Variants in HIPK3 observed in about 807,000 individuals in gnomAD.
HIPK3 encodes the protein homeodomain interacting protein kinase 3.
HIPK3 carries 47 observed loss-of-function variants against 124.2 expected under a neutral mutation model. That is an observed-to-expected ratio of 0.38 (90% CI 0.30 to 0.48). The LOEUF is 0.48. Among genes scored for constraint, HIPK3 ranks in the 20% least tolerant of loss-of-function variants. The pLI is 0.98. For synonymous variants in HIPK3, 482 were observed against 515.2 expected, an observed-to-expected ratio of 0.94 and a Z score of 0.87; for missense variants, 1,286 against 1,454.3, an observed-to-expected ratio of 0.88 and a Z score of 1.88.
chr11:33,350,130 G>A (rs903753774), intron 14 of HIPK3, among the ~76,000 whole-genome samples: 3 of 152,104 alleles, frequency 2.0e-5, no homozygotes, highest in African/African-American at 7.2e-5. Flanking sequence ...GACTACTATT[G>A]TAACTTAAAT....
chr11:33,280,479 T>C (rs962977241), intron 1 of HIPK3, among the ~76,000 whole-genome samples: 11 of 152,166 alleles, frequency 7.2e-5, no homozygotes, highest in African/African-American at 2.7e-4. Flanking sequence ...TTTATAGGTC[T>C]TTTCTTATGG....
intron 3 of HIPK3, among the ~76,000 whole-genome samples, chr11:33,330,515 G>A (rs1190072534): frequency 6.6e-6 from 1 of 152,208 alleles, no homozygotes; most frequent in Non-Finnish European, 1.5e-5. Flanking sequence ...TTTTAGTAGA[G>A]ATGGGGTTTC....
chr11:33,271,077 A>T (rs1373834329), intron 1 of HIPK3, among the ~76,000 whole-genome samples: 1 of 152,224 alleles, frequency 6.6e-6, no homozygotes, highest in African/African-American at 2.4e-5. Context: ...AATTCCTAGC[A>T]GTATGATTCC....
At chr11:33,258,673 G>A (rs1001420733) in intron 1 of HIPK3, 4 of 985,266 alleles carry the variant, frequency 4.1e-6, no homozygotes, top group African/African-American at 3.5e-5. Context: ...TCGGGAGGGA[G>A]ACGGCTGTTG....
chr11:33,341,247 T>C (rs1038654007), intron 7 of HIPK3, 120 bp downstream of exon 7: 2 of 654,630 alleles, frequency 3.1e-6, no homozygotes, highest in Non-Finnish European at 5.0e-6. Flanking sequence ...GAGGTCTTAC[T>C]ATACCTGTTT....
chr11:33,305,669 A>AT (rs745851903), intron 2 of HIPK3, among the ~76,000 whole-genome samples: 3 of 152,058 alleles, frequency 2.0e-5, no homozygotes, highest in Non-Finnish European at 4.4e-5. Context: ...TTCTCCAAGG[A>AT]TTTTCTCTCA....
chr11:33,295,944 TTCTTA>T (rs1251894117), intron 2 of HIPK3, among the ~76,000 whole-genome samples: 1 of 152,244 alleles, frequency 6.6e-6, no homozygotes, highest in African/African-American at 2.4e-5. Flanking sequence ...CACGTACTAT[TTCTTA>T]TCTTGTATTC....
chr11:33,304,700 A>G (rs1333467645), intron 2 of HIPK3, among the ~76,000 whole-genome samples: 4 of 152,258 alleles, frequency 2.6e-5, no homozygotes, highest in East Asian at 1.9e-4. Context: ...TCATTTAACC[A>G]GTCCTCAATG....
chr11:33,270,221 C>G (rs1268762991), intron 1 of HIPK3, among the ~76,000 whole-genome samples: 1 of 152,158 alleles, frequency 6.6e-6, no homozygotes, highest in African/African-American at 2.4e-5. Flanking sequence ...CTCAGGTGAT[C>G]CACCTGCCTC....
intron 2 of HIPK3, among the ~76,000 whole-genome samples, chr11:33,304,172 C>T (rs920125935): frequency 6.6e-6 from 1 of 152,140 alleles, no homozygotes; most frequent in African/African-American, 2.4e-5. Flanking sequence ...ATCTCCTGAC[C>T]TCGTGATCTA....
At chr11:33,273,360 A>G (rs1165258217) in intron 1 of HIPK3, among the ~76,000 whole-genome samples, 1 of 151,806 alleles carries the variant, frequency 6.6e-6, no homozygotes. Context: ...AAAAGAAATT[A>G]GCCAGGCGTG....
Position 33,277,999 on chromosome 11 carries a change from A to G in HIPK3, c.-2-8414A>G, listed in dbSNP as rs530514348. Among the ~76,000 whole-genome samples, 6 of 152,228 alleles carry G rather than the reference A, an allele frequency of 3.9e-5. 1 individual carries two copies. Among genetic ancestry groups the G allele is most frequent in the Non-Finnish European group, 7.4e-5 (5 of 68,012 alleles). On this transcript the variant is annotated intron_variant, in intron 1 of 16. Transcript: ENST00000303296. ...TACGTGTATTGCAAATAACTTCTCT[A>G]TGTCAGTGGCTTATCTTTATTTCAG...
chr11:33,318,600 A>G (rs1402255528), intron 2 of HIPK3, among the ~76,000 whole-genome samples: 4 of 152,200 alleles, frequency 2.6e-5, no homozygotes, highest in Non-Finnish European at 5.9e-5. Flanking sequence ...TTGGTACTTT[A>G]TTACTGTTAC....
rs979365055 is a variant in HIPK3, at chr11:33,355,687, G to A, written c.*2119G>A. The A allele has an allele frequency of 6.6e-6, 1 of 151,876 alleles. No homozygotes were observed. Among genetic ancestry groups the A allele is most frequent in the African/African-American group, 2.4e-5 (1 of 41,394 alleles). 9.4% of individuals were successfully genotyped at this position (151,876 alleles called of 1,614,324 possible). The stretch of plus-strand genomic sequence containing the variant: ...AATCATCAATGAAATAAATGTGCCT[G>A]AAATTGATTTTAAAAATTACAGTAT... On this transcript the variant is annotated 3_prime_UTR_variant, in exon 17 of 17. Coordinates refer to ENST00000303296, the MANE Select transcript of HIPK3 (RefSeq NM_005734.5).
intron 2 of HIPK3, among the ~76,000 whole-genome samples, chr11:33,290,217 A>G (rs1202080243): frequency 6.6e-6 from 1 of 152,204 alleles, no homozygotes; most frequent in African/African-American, 2.4e-5. Flanking sequence ...AGATACCATT[A>G]AAACTTTTCA....
At position 33,286,629 on chromosome 11, in the gene HIPK3, G is replaced by A. The variant is rs563248984; in HGVS notation, c.215G>A (p.Arg72Gln). Residue 72 changes from arginine to glutamine, a missense_variant, in exon 2 of 17, where the codon CGA becomes CAA. Arg to Gln is a conservative substitution (Grantham distance 43, BLOSUM62 1). Coordinates refer to ENST00000303296, the MANE Select transcript of HIPK3 (RefSeq NM_005734.5). ...ACAAAGATACCATTTAATAGACCTCGAGGACACAACTTTTCATTGCAGACA... is the reference window on the plus strand; with the variant it reads ...ACAAAGATACCATTTAATAGACCTCAAGGACACAACTTTTCATTGCAGACA... ...FQTKIPFNRP[R>Q]GHNFSLQTSA... is the part of the protein sequence containing the mutation. The A allele has an allele frequency of 6.2e-6, 10 of 1,614,068 alleles. No homozygotes were observed. The highest frequency in any genetic ancestry group is 1.6e-4 in the Middle Eastern group (1 of 6,062).
chr11:33,298,623 AT>A (rs1851905374), intron 2 of HIPK3, among the ~76,000 whole-genome samples: 1 of 152,272 alleles, frequency 6.6e-6, no homozygotes, highest in African/African-American at 2.4e-5. Flanking sequence ...TTCATGATTC[AT>A]GGCAGCATTA....
At position 33,341,583 on chromosome 11, in the gene HIPK3, T is replaced by G; in HGVS notation, c.1794T>G (p.His598Gln). ...LRSQALTTSA[H>Q]SVVHHGIPLQ... ...TTCAGGCATTGACCACATCTGCTCA[T>G]TCAGTTGTGCACCATGGAATACCTC... The change falls in exon 8 of 17, where the codon CAT becomes CAG. Residue 598 changes from histidine (H) to glutamine (Q), a missense_variant. His to Gln is a conservative substitution (Grantham distance 24). This residue lies in a region of HIPK3 where 810 missense variants were observed against 864.9 expected (regional missense o/e 0.94). Transcript: ENST00000303296. The G allele has an allele frequency of 6.2e-7, 1 of 1,612,488 alleles. No individual in the cohort carries two copies. The highest frequency in any genetic ancestry group is 1.7e-4 in the Middle Eastern group (1 of 6,056).
Position 33,347,946 on chromosome 11 carries a change from G to T in HIPK3, c.2239G>T (p.Val747Leu). The T allele has an allele frequency of 6.2e-7, 1 of 1,614,190 alleles. No individual in the cohort carries two copies. The highest frequency in any genetic ancestry group is 1.1e-5 in the South Asian group (1 of 91,080). ...TTTATCTGCCCCTCAGCCAGTTAGT[G>T]TGGGGATTGCACATGTTGTCTGGCC... is the stretch of plus-strand genomic sequence containing the variant. The part of the protein sequence containing the change: ...ITLSAPQPVS[V>L]GIAHVVWPQP... The change falls in exon 11 of 17, where the codon GTG (valine) becomes TTG (leucine). Residue 747 changes from valine (V) to leucine (L), a missense_variant. Around this residue, in one of 3 missense-constraint regions of HIPK3, gnomAD observed 810 missense variants for 864.9 expected, o/e 0.94. Coordinates refer to ENST00000303296, the MANE Select transcript of HIPK3 (RefSeq NM_005734.5).
Sources: allele counts gnomAD v4.1 joint callset (sites outside exome capture counted in the v4.1 genomes callset), GRCh38; gene constraint gnomAD v4.1.1; regional missense constraint gnomAD v4.1.1; transcripts MANE v1.5; gene names NCBI Gene and HGNC (gene_info 2026-07-23, HGNC 2026-07-21).